Variants in MYO3A observed in about 807,000 individuals in gnomAD.
The protein encoded by MYO3A is myosin-IIIa.
MYO3A carries 180 observed loss-of-function variants against 192.7 expected under a neutral mutation model. The observed-to-expected ratio is 0.93, with a 90% confidence interval of 0.83 to 1.06. The LOEUF is 1.06. MYO3A is among the 50% of genes least tolerant of loss of function. The probability of loss-of-function intolerance (pLI) is 0.00; values close to 1 mark genes in which losing one functional copy is unlikely to be tolerated. For synonymous variants in MYO3A, 628 were observed against 645.3 expected, an observed-to-expected ratio of 0.97 and a Z score of 0.41; for missense variants, 1,896 against 1,905.0, an observed-to-expected ratio of 1.00 and a Z score of 0.09.
At chr10:26,080,910 A>G (rs1009947353) in intron 14 of MYO3A, among the ~76,000 whole-genome samples, 1 of 152,076 alleles carries the variant, frequency 6.6e-6, no homozygotes, top group Non-Finnish European at 1.5e-5. Flanking sequence ...TAAACCATCT[A>G]TGGGTCTCTC....
chr10:25,934,505 T>C (rs1196636091), intron 1 of MYO3A, among the ~76,000 whole-genome samples, 177 bp downstream of exon 1: 1 of 151,812 alleles, frequency 6.6e-6, no homozygotes, highest in Non-Finnish European at 1.5e-5. Context: ...CCGGAGGACC[T>C]GTGTGTTTGT....
At chr10:26,044,714 C>T (rs1843540085) in intron 10 of MYO3A, among the ~76,000 whole-genome samples, 1 of 152,244 alleles carries the variant, frequency 6.6e-6, no homozygotes, top group Non-Finnish European at 1.5e-5. Flanking sequence ...TTAACAAAAG[C>T]CATCTCAAGC....
intron 15 of MYO3A, among the ~76,000 whole-genome samples, chr10:26,095,214 T>C (rs1440125896): frequency 6.6e-6 from 1 of 152,148 alleles, no homozygotes; most frequent in Non-Finnish European, 1.5e-5. Flanking sequence ...GATGACAGTT[T>C]TATACCAATG....
At chr10:26,140,549 T>G (rs776329861) in intron 20 of MYO3A, among the ~76,000 whole-genome samples, 7 of 152,058 alleles carry the variant, frequency 4.6e-5, no homozygotes, top group Non-Finnish European at 8.8e-5. Flanking sequence ...CTGGGCATGA[T>G]GGCAGGTGCC....
chr10:26,192,587 A>G (rs533747853), intron 31 of MYO3A, among the ~76,000 whole-genome samples: 1 of 150,630 alleles, frequency 6.6e-6, no homozygotes, highest in East Asian at 1.9e-4. Flanking sequence ...ATTCAATTCC[A>G]CGTGACCAAA....
chr10:26,201,447 G>A (rs570985106), intron 33 of MYO3A, 142 bp downstream of exon 33: 307 of 442,000 alleles, frequency 6.9e-4, no homozygotes, highest in African/African-American at 5.4e-3. Flanking sequence ...TTGGGAGGCC[G>A]AGGCGGGTGG....
Position 26,128,788 on chromosome 10 carries a change from A to G in MYO3A, c.2262+250A>G, listed in dbSNP as rs377093741. Among the ~76,000 whole-genome samples, 17 of 152,342 alleles carry G rather than the reference A, an allele frequency of 1.1e-4. No homozygotes were observed. The South Asian group carries it at 3.3e-3, about 30-fold the overall frequency. ...GGTACACTCTTCTCCAAAACTTAGAATTCTGAGCCTTTGTAAACGAAGATA... is the reference window on the plus strand; with the variant it reads ...GGTACACTCTTCTCCAAAACTTAGAGTTCTGAGCCTTTGTAAACGAAGATA... On this transcript the variant is annotated intron_variant, in intron 20 of 34. Transcript: ENST00000642920.
intron 15 of MYO3A, among the ~76,000 whole-genome samples, chr10:26,091,306 G>C (rs1177155260): frequency 6.6e-6 from 1 of 152,070 alleles, no homozygotes; most frequent in East Asian, 1.9e-4. Context: ...TTTATTTTTA[G>C]ATTACCTTTC....
intron 1 of MYO3A, among the ~76,000 whole-genome samples, 194 bp from the exon 2 acceptor site, chr10:25,935,550 A>C (rs1442309877): frequency 6.6e-6 from 1 of 152,238 alleles, no homozygotes; most frequent in Non-Finnish European, 1.5e-5. Flanking sequence ...AGAGTTGTTT[A>C]ATGCCAGCAT....
At chr10:26,047,131 T>C (rs950140194) in intron 10 of MYO3A, among the ~76,000 whole-genome samples, 1 of 152,244 alleles carries the variant, frequency 6.6e-6, no homozygotes, top group Non-Finnish European at 1.5e-5. Flanking sequence ...CTTGTAATTT[T>C]ATAATTATTT....
At chr10:26,131,020 A>G (rs966731323) in intron 20 of MYO3A, among the ~76,000 whole-genome samples, 2 of 152,354 alleles carry the variant, frequency 1.3e-5, no homozygotes, top group African/African-American at 2.4e-5. Context: ...ATTATTGCCT[A>G]TTATTTCAGA....
intron 10 of MYO3A, among the ~76,000 whole-genome samples, chr10:26,045,520 C>G (rs1843593842): frequency 6.6e-6 from 1 of 152,150 alleles, no homozygotes; most frequent in South Asian, 2.1e-4. Context: ...ATAAGCATAT[C>G]TTTTGTTGAA....
At chr10:26,054,216 A>G (rs1057106862) in intron 10 of MYO3A, among the ~76,000 whole-genome samples, 2 of 152,350 alleles carry the variant, frequency 1.3e-5, no homozygotes, top group East Asian at 3.9e-4. Context: ...CATTCTCACT[A>G]TATGCAATAA....
chr10:26,139,175 A>G (rs1463551907), intron 20 of MYO3A, among the ~76,000 whole-genome samples: 1 of 152,186 alleles, frequency 6.6e-6, no homozygotes, highest in East Asian at 1.9e-4. Context: ...TCTTAAGTAA[A>G]TACATAATCA....
chr10:26,144,343 T>C (rs1396368395), intron 21 of MYO3A, among the ~76,000 whole-genome samples: 1 of 152,122 alleles, frequency 6.6e-6, no homozygotes, highest in African/African-American at 2.4e-5. Context: ...TTCACATCTT[T>C]CTGTCATTTA....
rs57336459 is a variant in MYO3A at position 26,078,130 on chromosome 10, C to CTTTTTTTTTTTTTTT, written c.1359+7730_1359+7744dup. 1.8e-3 allele frequency among the ~76,000 whole-genome samples: 225 copies of CTTTTTTTTTTTTTTT among 122,164 alleles called. 2 individuals carry two copies. Among genetic ancestry groups the CTTTTTTTTTTTTTTT allele is most frequent in the Non-Finnish European group, 2.8e-3 (160 of 56,982 alleles). The allele number at this position is 122,164 out of a possible 152,430, so 80.1% of individuals were successfully genotyped here. ...TGCTGTGAATCCATCTGGTCCTGGACTTTTTTTTTTTTTTTGGTAATTTTA... is the reference window on the plus strand; with the variant it reads ...TGCTGTGAATCCATCTGGTCCTGGACTTTTTTTTTTTTTTTTTTTTTTTTTTTTTTGGTAATTTTA... On this transcript the variant is annotated intron_variant, in intron 14 of 34. Transcript: ENST00000642920.
intron 2 of MYO3A, among the ~76,000 whole-genome samples, chr10:25,937,140 G>A (rs1836135280): frequency 6.6e-6 from 1 of 152,138 alleles, no homozygotes. Flanking sequence ...AGTTCCTGGA[G>A]TCCTGGCTTC....
chr10:26,065,605 A>AAAAAAAAAAAAAAAACAT (rs1834784369), intron 10 of MYO3A, among the ~76,000 whole-genome samples: 2 of 118,726 alleles, frequency 1.7e-5, no homozygotes, highest in Non-Finnish European at 3.6e-5. Context: ...AAAAAAAAAA[A>AAAAAAAAAAAAAAAACAT]AAAAAAAAGT....
chr10:26,008,101 T>C, intron 6 of MYO3A, among the ~76,000 whole-genome samples: 1 of 148,564 alleles, frequency 6.7e-6, no homozygotes, highest in Non-Finnish European at 1.5e-5. Flanking sequence ...TATCTGATCT[T>C]TGACAAACCT....
Sources: gnomAD v4.1 joint callset for allele counts (sites outside exome capture counted in the v4.1 genomes callset) on GRCh38, gnomAD v4.1.1 for gene constraint, MANE v1.5 for transcripts, NCBI Gene and HGNC (gene_info 2026-07-23, HGNC 2026-07-21) for gene names.